Variants in KLHL13 observed in about 807,000 individuals in gnomAD.
KLHL13 encodes kelch like family member 13.
Under a neutral mutation model 37.1 loss-of-function variants are expected in KLHL13, and 10 were observed. The ratio of observed to expected loss-of-function variants is 0.27; its 90% confidence interval spans 0.17 to 0.46. The LOEUF is 0.46. KLHL13 is among the 20% of genes least tolerant of loss of function. The pLI is 1.00. For synonymous variants in KLHL13, 163 were observed against 181.2 expected, an observed-to-expected ratio of 0.90 and a Z score of 0.81; for missense variants, 360 against 509.3, an observed-to-expected ratio of 0.71 and a Z score of 2.82.
At chrX:118,003,230 A>G (rs956863861) in intron 1 of KLHL13, among the ~76,000 whole-genome samples, 2 of 112,087 alleles carry the variant, frequency 1.8e-5, no homozygotes, top group Admixed American at 9.5e-5. Flanking sequence ...GAAAGGCTTC[A>G]CTCTGGCCAG....
intron 1 of KLHL13, among the ~76,000 whole-genome samples, chrX:118,032,260 GC>G (rs1414009381): frequency 4.5e-5 from 5 of 112,292 alleles, no homozygotes; most frequent in African/African-American, 1.6e-4. Flanking sequence ...AGACCTGCCT[GC>G]CTCTGCAGGC....
At chrX:118,052,698 G>A (rs911474605) in intron 1 of KLHL13, among the ~76,000 whole-genome samples, 1 of 108,970 alleles carries the variant, frequency 9.2e-6, no homozygotes, top group Non-Finnish European at 1.9e-5. Context: ...TTAGCTGGGC[G>A]CACCTGTAAT....
At chrX:118,020,060 C>T (rs1160471496) in intron 1 of KLHL13, among the ~76,000 whole-genome samples, 1 of 110,702 alleles carries the variant, frequency 9.0e-6, no homozygotes, top group African/African-American at 3.3e-5. Flanking sequence ...GGGGATGGCA[C>T]TGAAACTGTA....
At chrX:117,985,826 T>A (rs931772014) in intron 1 of KLHL13, among the ~76,000 whole-genome samples, 1 of 111,093 alleles carries the variant, frequency 9.0e-6, no homozygotes, top group African/African-American at 3.3e-5. Context: ...TTTTTCTTTA[T>A]CAATCTCCCA....
chrX:118,101,141 A>T (rs1162657447), intron 1 of KLHL13, among the ~76,000 whole-genome samples: 3 of 111,685 alleles, frequency 2.7e-5, no homozygotes, highest in Admixed American at 9.6e-5. Context: ...TATAATTCAT[A>T]TATTAATCAT....
At chrX:117,940,745 G>A (rs1020560621) in intron 2 of KLHL13, among the ~76,000 whole-genome samples, 2 of 111,264 alleles carry the variant, frequency 1.8e-5, no homozygotes, top group Admixed American at 9.6e-5. Flanking sequence ...ATCTCTGTTT[G>A]TCTATTATTG....
intron 2 of KLHL13, among the ~76,000 whole-genome samples, chrX:117,944,724 T>G (rs1279125880): frequency 1.8e-5 from 2 of 111,548 alleles, no homozygotes; most frequent in African/African-American, 6.5e-5. Flanking sequence ...ACCATATTGC[T>G]CTCTAATTCA....
At chrX:118,073,141 T>C (rs1302892354) in intron 1 of KLHL13, among the ~76,000 whole-genome samples, 1 of 109,752 alleles carries the variant, frequency 9.1e-6, no homozygotes, top group African/African-American at 3.3e-5. Context: ...TCATTCCCTC[T>C]ATTTCTCCCT....
chrX:118,090,726 C>T (rs759080113), intron 1 of KLHL13, among the ~76,000 whole-genome samples: 63 of 109,257 alleles, frequency 5.8e-4, no homozygotes, highest in African/African-American at 2.0e-3. Context: ...GTGGCGATTC[C>T]TCAGGGATCT....
At chrX:118,038,028 A>G (rs975729347) in intron 1 of KLHL13, among the ~76,000 whole-genome samples, 5 of 112,477 alleles carry the variant, frequency 4.4e-5, no homozygotes, top group Non-Finnish European at 9.4e-5. Context: ...CATGTAGAGA[A>G]TAAGGAAAAA....
chrX:117,920,336 C>A, exon 3 of KLHL13: 1 of 1,206,669 alleles, frequency 8.3e-7, no homozygotes, highest in Non-Finnish European at 1.1e-6. Context: ...GGTCACATCA[C>A]AAAGCAATCC....
intron 1 of KLHL13, among the ~76,000 whole-genome samples, chrX:117,953,787 G>C (rs1229718641): frequency 6.3e-5 from 7 of 111,316 alleles, no homozygotes; most frequent in Non-Finnish European, 9.4e-5. Flanking sequence ...GGATATCAGA[G>C]AGATACATTC....
chrX:118,031,262 G>A (rs925749383), intron 1 of KLHL13, among the ~76,000 whole-genome samples: 12 of 108,206 alleles, frequency 1.1e-4, no homozygotes, highest in Non-Finnish European at 2.3e-4. Context: ...AAGTTAGTTT[G>A]AACCTTACAA....
chrX:118,037,620 G>C (rs2148050644), intron 1 of KLHL13, among the ~76,000 whole-genome samples: 1 of 110,574 alleles, frequency 9.0e-6, no homozygotes, highest in East Asian at 2.8e-4. Flanking sequence ...GGGAGGGATA[G>C]CATTGGGAGA....
intron 1 of KLHL13, chrX:117,972,644 T>C: frequency 1.3e-6 from 1 of 754,512 alleles, no homozygotes; most frequent in South Asian, 2.6e-5. Context: ...TGGATGTTGC[T>C]GTTTGGGGGC....
chrX:117,928,049 AG>A (rs1280276401), intron 2 of KLHL13, among the ~76,000 whole-genome samples: 1 of 112,486 alleles, frequency 8.9e-6, no homozygotes, highest in African/African-American at 3.2e-5. Context: ...AAATAAACCT[AG>A]CATGACTACA....
In KLHL13 at chrX:117,950,139, T is replaced by G. The variant is rs771135368; in HGVS notation, c.99-4564A>C. Among the ~76,000 whole-genome samples, 24 of 112,668 alleles carry G rather than the reference T, an allele frequency of 2.1e-4. No individual in the cohort carries two copies. In the South Asian group the frequency reaches 8.0e-3, roughly 38 times the overall value. ...CCAAAAAAGGTTAAATCTAACAATA[T>G]ATGCTAAAAACTCAATTTCACTGCA... is the stretch of plus-strand genomic sequence containing the variant. On this transcript the variant is annotated intron_variant, in intron 1 of 6. Transcript: ENST00000262820.
intron 1 of KLHL13, among the ~76,000 whole-genome samples, chrX:118,019,732 C>T (rs1190383189): frequency 1.2e-3 from 127 of 108,937 alleles, no homozygotes; most frequent in African/African-American, 4.2e-3. Flanking sequence ...TTTCCCAGCA[C>T]CATTTATTAA....
intron 1 of KLHL13, among the ~76,000 whole-genome samples, chrX:118,002,629 A>T (rs1405278385): frequency 9.3e-6 from 1 of 107,382 alleles, no homozygotes; most frequent in East Asian, 2.9e-4. Context: ...TAAATAAATA[A>T]ATAAATAAAT....
Sources: allele counts gnomAD v4.1 joint callset (sites outside exome capture counted in the v4.1 genomes callset), GRCh38; gene constraint gnomAD v4.1.1; transcripts MANE v1.5; gene names NCBI Gene and HGNC (gene_info 2026-07-23, HGNC 2026-07-21).